GLIPR1: variants seen among roughly 807,000 people sequenced by gnomAD.
GLIPR1 encodes GLI pathogenesis related 1.
GLIPR1 carries 38 observed loss-of-function variants against 30.3 expected under a neutral mutation model. The ratio of observed to expected loss-of-function variants is 1.26; its 90% confidence interval spans 0.97 to 1.65. The LOEUF (loss-of-function observed/expected upper bound fraction) is 1.65. Ranked by LOEUF, GLIPR1 falls within the 40% of genes most tolerant of loss-of-function variation. GLIPR1 has a pLI of 0.00. For synonymous variants in GLIPR1, 122 were observed against 110.6 expected, an observed-to-expected ratio of 1.10 and a Z score of -0.65; for missense variants, 285 against 326.5, an observed-to-expected ratio of 0.87 and a Z score of 0.98.
At chr12:75,489,785 G>C (rs2046311085) in intron 2 of GLIPR1, 1 of 152,192 alleles carries the variant, frequency 6.6e-6, no homozygotes, top group African/African-American at 2.4e-5. Context: ...CCTGCTTCCT[G>C]TTCCCCTTGC....
rs550222761 is a variant in GLIPR1 at position 75,502,302 on chromosome 12, A to C, written c.*3324A>C. 65 of 245,898 alleles carry C rather than the reference A, an allele frequency of 2.6e-4. 1 individual carries two copies. Among genetic ancestry groups the C allele is most frequent in the Admixed American group, 8.7e-4 (17 of 19,518 alleles). 15.2% of individuals were successfully genotyped at this position (245,898 alleles called of 1,614,324 possible). On this transcript the variant is annotated 3_prime_UTR_variant, in exon 6 of 6. Transcript: ENST00000266659. ...AGAGAGTTTTGGGGAAAATTTGAAG[A>C]AGCTTCAATGGCAGACAAAGTAGGA...
intron 2 of GLIPR1, 107 bp downstream of exon 2, chr12:75,482,186 A>G (rs2046274358): frequency 2.1e-6 from 2 of 969,446 alleles, no homozygotes; most frequent in Non-Finnish European, 3.1e-6. Flanking sequence ...ACCTGTAAAT[A>G]TAAGGGAGTT....
chr12:75,481,053 T>C lies in GLIPR1; in HGVS notation c.173T>C (p.Met58Thr), dbSNP rs776943468. Reference sequence around the variant, plus strand: ...CCAACAGCCAGTGATATGCTATACATGGTAAGGAAAATATCATTAATTGTG... The same window carrying C: ...CCAACAGCCAGTGATATGCTATACACGGTAAGGAAAATATCATTAATTGTG... ...VKPTASDMLYMTWDPALAQIA... is the reference protein window; with the variant it reads ...VKPTASDMLYTTWDPALAQIA... The change falls in exon 1 of 6, where the codon ATG becomes ACG. Residue 58 changes from methionine to threonine, a missense_variant and splice_region_variant. Transcript: ENST00000266659. 1.2e-6 allele frequency: 2 copies of C among 1,605,304 alleles called. No homozygotes were observed. Among genetic ancestry groups the C allele is most frequent in the African/African-American group, 1.3e-5 (1 of 74,806 alleles).
rs1002833820 is a variant in GLIPR1, at chr12:75,500,015, T to C, written c.*1037T>C. On this transcript the variant is annotated 3_prime_UTR_variant, in exon 6 of 6. Transcript: ENST00000266659. ...ATTTTACCAAGTAAAACAAAGAATA[T>C]ATGTTTAACAAAGAATATATGTTTA... The C allele has an allele frequency of 1.3e-5, 17 of 1,294,466 alleles. No individual in the cohort carries two copies. Among genetic ancestry groups the C allele is most frequent in the Non-Finnish European group, 1.7e-5 (16 of 938,580 alleles). 80.2% of individuals were successfully genotyped at this position (1,294,466 alleles called of 1,614,324 possible). A position where few individuals can be genotyped will look rare whatever the true frequency, so the allele number is the denominator to read the frequency against.
At chr12:75,482,510 T>C (rs1271592467) in intron 2 of GLIPR1, among the ~76,000 whole-genome samples, 1 of 152,128 alleles carries the variant, frequency 6.6e-6, no homozygotes, top group Non-Finnish European at 1.5e-5. Flanking sequence ...CCACAACCTC[T>C]CATTCTCTCA....
At position 75,501,912 on chromosome 12, in the gene GLIPR1, A is replaced by C; in HGVS notation, c.*2934A>C. 6.2e-7 allele frequency: 1 copy of C among 1,607,874 alleles called. No individual in the cohort carries two copies. The highest frequency in any genetic ancestry group is 1.3e-5 in the African/African-American group (1 of 74,888). On this transcript the variant is annotated 3_prime_UTR_variant, in exon 6 of 6. Coordinates refer to ENST00000266659, the MANE Select transcript of GLIPR1 (RefSeq NM_006851.3). The stretch of plus-strand genomic sequence containing the variant: ...TTGCTATTCATGTGAGCCAGACATA[A>C]AGTGCCGTACCTTTATTGCTTCCAT...
In GLIPR1 at chr12:75,500,585, AC is replaced by A. The variant is rs1197335182; in HGVS notation, c.*1608del. 1 of 152,070 alleles carries A rather than the reference AC, an allele frequency of 6.6e-6. No individual in the cohort carries two copies. 9.4% of individuals were successfully genotyped at this position (152,070 alleles called of 1,614,324 possible). A position where few individuals can be genotyped will look rare whatever the true frequency, so the allele number is the denominator to read the frequency against. ...TAACAAGATTTTGGTATATTTAACA[AC>A]ATTTTGGTAATAAAGACAATAATTT... On this transcript the variant is annotated 3_prime_UTR_variant, in exon 6 of 6. Coordinates refer to ENST00000266659, the MANE Select transcript of GLIPR1 (RefSeq NM_006851.3).
intron 3 of GLIPR1, chr12:75,492,575 G>C (rs546536675): frequency 6.6e-6 from 1 of 152,154 alleles, no homozygotes; most frequent in Non-Finnish European, 1.5e-5. Context: ...TGAATGTTTT[G>C]TAAGTATTCA....
At chr12:75,489,230 C>T (rs1238224835) in intron 2 of GLIPR1, among the ~76,000 whole-genome samples, 2 of 152,176 alleles carry the variant, frequency 1.3e-5, no homozygotes, top group African/African-American at 2.4e-5. Context: ...CTGATCTAAA[C>T]CAAGCATGGG....
In GLIPR1 at chr12:75,499,476, A is replaced by G. The variant is rs182426391; in HGVS notation, c.*498A>G. 3.0e-4 allele frequency: 50 copies of G among 167,340 alleles called. No individual in the cohort carries two copies. The highest frequency in any genetic ancestry group is 1.7e-3 in the East Asian group (10 of 5,910). The allele number at this position is 167,340 out of a possible 1,614,324, so 10.4% of individuals were successfully genotyped here. A position where few individuals can be genotyped will look rare whatever the true frequency, so the allele number is the denominator to read the frequency against. On this transcript the variant is annotated 3_prime_UTR_variant, in exon 6 of 6. Coordinates refer to ENST00000266659, the MANE Select transcript of GLIPR1 (RefSeq NM_006851.3). The stretch of plus-strand genomic sequence containing the variant: ...GTTAAAAGTAAAACCAAACTTTCAA[A>G]AGGGATAAACCTAAATATTTACTTG...
chr12:75,497,493 T>G (rs1298894260), intron 4 of GLIPR1: 1 of 152,232 alleles, frequency 6.6e-6, no homozygotes, highest in Non-Finnish European at 1.5e-5. Context: ...TTCTCAGAGC[T>G]AGATTTATGT....
chr12:75,498,723 AC>A lies in GLIPR1; in HGVS notation c.646+4del. The A allele has an allele frequency of 6.2e-7, 1 of 1,612,618 alleles. No homozygotes were observed. The highest frequency in any genetic ancestry group is 8.5e-7 in the Non-Finnish European group (1 of 1,178,886). The stretch of plus-strand genomic sequence containing the variant: ...CCGACAGCGAGACCAAGTCAAACGT[AC>A]GTACATCAATCTTAAATTGTTTCAT... On this transcript the variant is annotated splice_donor_region_variant and intron_variant, in intron 5 of 5. Coordinates refer to ENST00000266659, the MANE Select transcript of GLIPR1 (RefSeq NM_006851.3).
chr12:75,488,121 C>T (rs570417063), intron 2 of GLIPR1, among the ~76,000 whole-genome samples: 13 of 152,240 alleles, frequency 8.5e-5, no homozygotes, highest in East Asian at 5.8e-4. Context: ...CTGTTTTATC[C>T]GCAAGGTCTT....
Position 75,481,953 on chromosome 12 carries a change from G to T in GLIPR1, c.294G>T (p.Glu98Asp), listed in dbSNP as rs543406828. Residue 98 changes from glutamate to aspartate, a missense_variant, in exon 2 of 6, where the codon GAG becomes GAT. By Grantham distance (45) the Glu-to-Asp change is conservative. Coordinates refer to ENST00000266659, the MANE Select transcript of GLIPR1 (RefSeq NM_006851.3). ...ACCCAAACTTCACTTCACTGGGAGA[G>T]AACATCTGGACTGGGTCTGTGCCCA... ...KLHPNFTSLGENIWTGSVPIF... is the reference protein window; with the variant it reads ...KLHPNFTSLGDNIWTGSVPIF... The T allele has an allele frequency of 1.2e-6, 2 of 1,614,190 alleles. No homozygotes were observed. The highest frequency in any genetic ancestry group is 1.6e-4 in the Middle Eastern group (1 of 6,062).
rs1241995698 is a variant in GLIPR1, at chr12:75,500,614, G to A, written c.*1636G>A. On this transcript the variant is annotated 3_prime_UTR_variant, in exon 6 of 6. Transcript: ENST00000266659. ...TTTGGTAATAAAGACAATAATTTGA[G>A]AGTGTGTGGAAGTCCCCCTAATAGA... is the stretch of plus-strand genomic sequence containing the variant. 1 of 151,902 alleles carries A rather than the reference G, an allele frequency of 6.6e-6. No individual in the cohort carries two copies. The highest frequency in any genetic ancestry group is 2.4e-5 in the African/African-American group (1 of 41,378). 9.4% of individuals were successfully genotyped at this position (151,902 alleles called of 1,614,324 possible). A position where few individuals can be genotyped will look rare whatever the true frequency, so the allele number is the denominator to read the frequency against.
intron 3 of GLIPR1, chr12:75,491,934 G>A (rs1440029218): frequency 2.0e-5 from 3 of 152,104 alleles, no homozygotes; most frequent in Admixed American, 6.5e-5. Flanking sequence ...AGACATGCTC[G>A]ATACTCTGAC....
Position 75,502,724 on chromosome 12 carries a change from G to C in GLIPR1, c.*3746G>C. On this transcript the variant is annotated 3_prime_UTR_variant, in exon 6 of 6. Coordinates refer to ENST00000266659, the MANE Select transcript of GLIPR1 (RefSeq NM_006851.3). ...CTCGCCCAGTCACATAATGAATTAA[G>C]TGTTAAGAACAAGTCAATCGAGACA... 1 of 152,128 alleles carries C rather than the reference G, an allele frequency of 6.6e-6. No individual in the cohort carries two copies. The allele number at this position is 152,128 out of a possible 1,614,324, so 9.4% of individuals were successfully genotyped here.
Position 75,499,654 on chromosome 12 carries a change from A to G in GLIPR1, c.*676A>G. 2.5e-6 allele frequency: 1 copy of G among 401,154 alleles called. No homozygotes were observed. The highest frequency in any genetic ancestry group is 2.1e-5 in the African/African-American group (1 of 47,764). 24.8% of individuals were successfully genotyped at this position (401,154 alleles called of 1,614,324 possible). ...AAATTTTTCAAAAAATACAATAATA[A>G]TATAATTTATAAAGAACACTCTTCT... On this transcript the variant is annotated 3_prime_UTR_variant, in exon 6 of 6. Coordinates refer to ENST00000266659, the MANE Select transcript of GLIPR1 (RefSeq NM_006851.3).
At position 75,498,299 on chromosome 12, in the gene GLIPR1, C is replaced by T. The variant is rs1041339692; in HGVS notation, c.620-395C>T. 6 of 158,010 alleles carry T rather than the reference C, an allele frequency of 3.8e-5. No individual in the cohort carries two copies. In the Admixed American group the frequency reaches 3.9e-4, roughly 10 times the overall value. 9.8% of individuals were successfully genotyped at this position (158,010 alleles called of 1,614,324 possible). ...GATGAAAGAGAGGTCACTGTCTTTTCACTATGGATTCATCATAAACAGTAT... is the reference window on the plus strand; with the variant it reads ...GATGAAAGAGAGGTCACTGTCTTTTTACTATGGATTCATCATAAACAGTAT... On this transcript the variant is annotated intron_variant, in intron 4 of 5. Coordinates refer to ENST00000266659, the MANE Select transcript of GLIPR1 (RefSeq NM_006851.3).
Sources: gnomAD v4.1 joint callset for allele counts (sites outside exome capture counted in the v4.1 genomes callset) on GRCh38, gnomAD v4.1.1 for gene constraint, MANE v1.5 for transcripts, NCBI Gene and HGNC (gene_info 2026-07-23, HGNC 2026-07-21) for gene names.